Variants in MOGAT3 observed in about 807,000 individuals in gnomAD.
MOGAT3 encodes the protein 2-acylglycerol O-acyltransferase 3.
A neutral mutation model predicts 34.4 loss-of-function variants in MOGAT3; 39 were observed. That is an observed-to-expected ratio of 1.13 (90% confidence interval 0.88 to 1.48). The LOEUF (loss-of-function observed/expected upper bound fraction) is 1.48. Among genes scored for constraint, MOGAT3 ranks in the 40% most tolerant of loss-of-function variants. The probability of loss-of-function intolerance (pLI) is 0.00; values close to 1 mark genes in which losing one functional copy is unlikely to be tolerated. For missense variants in MOGAT3, 439 were observed against 438.9 expected, an observed-to-expected ratio of 1.00 and a Z score of 0.00; for synonymous variants, 209 against 179.2, an observed-to-expected ratio of 1.17 and a Z score of -1.33.
Position 101,200,867 on chromosome 7 carries a change from C to T in MOGAT3, c.-13G>A. The T allele has an allele frequency of 6.2e-7, 1 of 1,602,818 alleles. No homozygotes were observed. The highest frequency in any genetic ancestry group is 8.5e-7 in the Non-Finnish European group (1 of 1,172,760). Reference sequence around the variant, plus strand: ...TGGCAACTCCCATTGCAGAAGCTCCCCTCTTCCAGCAGGATCCCAGAACCC... The same window carrying T: ...TGGCAACTCCCATTGCAGAAGCTCCTCTCTTCCAGCAGGATCCCAGAACCC... On this transcript the variant is annotated 5_prime_UTR_variant, in exon 1 of 7. Coordinates refer to ENST00000223114, the MANE Select transcript of MOGAT3 (RefSeq NM_178176.4).
At chr7:101,196,519 T>C in intron 5 of MOGAT3, 130 bp from the exon 6 acceptor site, 1 of 610,336 alleles carries the variant, frequency 1.6e-6, no homozygotes, top group East Asian at 2.8e-5. Context: ...AGCACATGAC[T>C]ATGGCTACAA....
chr7:101,200,394 C>A lies in MOGAT3; in HGVS notation c.217+14G>T. ...CACCATCTCTGGCTACCTGGGCCCCCATCCGGAGCTCACCTTGGTTGGGTG... is the reference window on the plus strand; with the variant it reads ...CACCATCTCTGGCTACCTGGGCCCCAATCCGGAGCTCACCTTGGTTGGGTG... On this transcript the variant is annotated intron_variant, in intron 2 of 6. Transcript: ENST00000223114. 1 of 1,612,598 alleles carries A rather than the reference C, an allele frequency of 6.2e-7. No individual in the cohort carries two copies. The highest frequency in any genetic ancestry group is 8.5e-7 in the Non-Finnish European group (1 of 1,178,886).
rs766576444 is a variant in MOGAT3, at chr7:101,198,163, G to T, written c.668+28C>A. On this transcript the variant is annotated intron_variant, in intron 5 of 6. Transcript: ENST00000223114. Reference sequence around the variant, plus strand: ...AGAGGGCATAAACCAGCAGAGAACTGACAGGTAGGGCCTGCACGCGCACTC... The same window carrying T: ...AGAGGGCATAAACCAGCAGAGAACTTACAGGTAGGGCCTGCACGCGCACTC... 2.5e-6 allele frequency: 4 copies of T among 1,587,932 alleles called. No individual in the cohort carries two copies. The Admixed American group carries it at 7.1e-5, about 28-fold the overall frequency.
intron 1 of MOGAT3, 48 bp downstream of exon 1, chr7:101,200,698 C>T (rs1186941957): frequency 1.3e-6 from 2 of 1,532,392 alleles, no homozygotes; most frequent in East Asian, 2.3e-5. Context: ...CCCTCCAAGC[C>T]CTACTCCCCT....
chr7:101,198,783 G>A lies in MOGAT3; in HGVS notation c.336C>T (p.Gly112=). The A allele has an allele frequency of 1.2e-6, 2 of 1,614,022 alleles. No individual in the cohort carries two copies. Among genetic ancestry groups the A allele is most frequent in the Non-Finnish European group, 1.7e-6 (2 of 1,180,004 alleles). ...ELPPDRNYVL[G]AHPHGIMCTG... is the part of the protein sequence containing the mutation. ...TACACATGATCCCATGAGGGTGGGC[G>A]CCCAGCACGTAGTTCCGATCCGGGG... Residue 112 remains glycine (G), a synonymous_variant, in exon 4 of 7, where the codon GGC becomes GGT. Coordinates refer to ENST00000223114, the MANE Select transcript of MOGAT3 (RefSeq NM_178176.4).
At position 101,198,723 on chromosome 7, in the gene MOGAT3, A is replaced by T; in HGVS notation, c.396T>A (p.Asn132Lys). The T allele has an allele frequency of 1.9e-6, 3 of 1,613,444 alleles. No individual in the cohort carries two copies. Among genetic ancestry groups the T allele is most frequent in the Non-Finnish European group, 1.7e-6 (2 of 1,179,930 alleles). The part of the protein sequence containing the change: ...GFLCNFSTES[N>K]GFSQLFPGLR... Reference sequence around the variant, plus strand: ...GCCCCGGGAAGAGCTGGGAGAAGCCATTGCTCTCGGTGGAGAAATTACAGA... The same window carrying T: ...GCCCCGGGAAGAGCTGGGAGAAGCCTTTGCTCTCGGTGGAGAAATTACAGA... The change falls in exon 4 of 7, where the codon AAT (asparagine) becomes AAA (lysine). Residue 132 changes from asparagine (N) to lysine (K), a missense_variant. Asn to Lys is a moderately conservative substitution (Grantham distance 94, BLOSUM62 0). Transcript: ENST00000223114.
downstream of MOGAT3, among the ~76,000 whole-genome samples, chr7:101,194,832 A>C (rs1397789633): frequency 6.6e-6 from 1 of 151,830 alleles, no homozygotes; most frequent in Non-Finnish European, 1.5e-5. Flanking sequence ...TTTTTCCTTC[A>C]CTGGGGATGG....
intron 4 of MOGAT3, 31 bp downstream of exon 4, chr7:101,198,595 C>T (rs1432256564): frequency 4.4e-6 from 7 of 1,596,198 alleles, no homozygotes; most frequent in Middle Eastern, 4.4e-4. Flanking sequence ...TCAGGAGTCT[C>T]CTCCCGTTCT....
Position 101,198,246 on chromosome 7 carries a change from G to A in MOGAT3, c.613C>T (p.His205Tyr), listed in dbSNP as rs1462071076. Residue 205 changes from histidine to tyrosine, a missense_variant, in exon 5 of 7, where the codon CAC becomes TAC. Physicochemically the swap from His to Tyr is moderately conservative, Grantham distance 83 (BLOSUM62 2). Coordinates refer to ENST00000223114, the MANE Select transcript of MOGAT3 (RefSeq NM_178176.4). ...TTGCGCTTCTGGAGCGTAAGGCAGT[G>A]CTCCCCGGGGACTGAATACAGGGCC... ...HEALYSVPGEHCLTLQKRKGF... is the reference protein window; with the variant it reads ...HEALYSVPGEYCLTLQKRKGF... 6.2e-7 allele frequency: 1 copy of A among 1,613,664 alleles called. No individual in the cohort carries two copies. Among genetic ancestry groups the A allele is most frequent in the Admixed American group, 1.7e-5 (1 of 59,982 alleles).
Position 101,198,782 on chromosome 7 carries a change from C to G in MOGAT3, c.337G>C (p.Ala113Pro), listed in dbSNP as rs760445652. 1.2e-6 allele frequency: 2 copies of G among 1,613,934 alleles called. No individual in the cohort carries two copies. The highest frequency in any genetic ancestry group is 2.2e-5 in the South Asian group (2 of 91,068). The change falls in exon 4 of 7, where the codon GCC becomes CCC. Residue 113 changes from alanine (A) to proline (P), a missense_variant. By Grantham distance (27) the Ala-to-Pro change is conservative. Transcript: ENST00000223114. ...LPPDRNYVLG[A>P]HPHGIMCTGF... ...GTACACATGATCCCATGAGGGTGGG[C>G]GCCCAGCACGTAGTTCCGATCCGGG... is the stretch of plus-strand genomic sequence containing the variant.
downstream of MOGAT3, among the ~76,000 whole-genome samples, chr7:101,193,870 G>A (rs1797726571): frequency 1.3e-5 from 2 of 152,336 alleles, no homozygotes; most frequent in South Asian, 4.1e-4. Context: ...TAGGACGGTA[G>A]AAGCAAATAT....
intron 4 of MOGAT3, 103 bp downstream of exon 4, chr7:101,198,523 T>A: frequency 7.7e-7 from 1 of 1,304,822 alleles, no homozygotes; most frequent in Non-Finnish European, 1.0e-6. Flanking sequence ...GGCTGGCCCC[T>A]GTCCTGGGTG....
rs754652879 is a variant in MOGAT3, at chr7:101,195,936, G to A, written c.*10C>T. 47 of 1,613,894 alleles carry A rather than the reference G, an allele frequency of 2.9e-5. No homozygotes were observed. Among genetic ancestry groups the A allele is most frequent in the Non-Finnish European group, 3.3e-5 (39 of 1,180,012 alleles). Reference sequence around the variant, plus strand: ...GGGCTCAGGGGCTCAGCGAAAGGCCGCGGCCAGGCCTAGATGAAGGTGAGG... The same window carrying A: ...GGGCTCAGGGGCTCAGCGAAAGGCCACGGCCAGGCCTAGATGAAGGTGAGG... On this transcript the variant is annotated 3_prime_UTR_variant, in exon 7 of 7. Coordinates refer to ENST00000223114, the MANE Select transcript of MOGAT3 (RefSeq NM_178176.4).
chr7:101,198,506 G>T, intron 4 of MOGAT3, 120 bp downstream of exon 4: 1 of 1,323,224 alleles, frequency 7.6e-7, no homozygotes, highest in Non-Finnish European at 1.0e-6. Context: ...AGTCTGGGCA[G>T]TGCTCAGGCT....
chr7:101,196,553 C>T (rs913444450), intron 5 of MOGAT3, among the ~76,000 whole-genome samples, 164 bp from the exon 6 acceptor site: 11 of 152,172 alleles, frequency 7.2e-5, no homozygotes, highest in East Asian at 5.8e-4. Context: ...AGACAGGACT[C>T]GCATTTCTTT....
In MOGAT3 at chr7:101,200,892, C is replaced by T. The variant is rs367702904; in HGVS notation, c.-38G>A. 20 of 1,545,420 alleles carry T rather than the reference C, an allele frequency of 1.3e-5. No individual in the cohort carries two copies. The highest frequency in any genetic ancestry group is 9.1e-5 in the East Asian group (4 of 44,156). ...CCTCTTCCAGCAGGATCCCAGAACC[C>T]GGAGGACAAACGATGAAGGCTTGGA... On this transcript the variant is annotated 5_prime_UTR_variant, in exon 1 of 7. Coordinates refer to ENST00000223114, the MANE Select transcript of MOGAT3 (RefSeq NM_178176.4).
At position 101,195,859 on chromosome 7, in the gene MOGAT3, T is replaced by C. The variant is rs1797761652; in HGVS notation, c.*87A>G. On this transcript the variant is annotated 3_prime_UTR_variant, in exon 7 of 7. Coordinates refer to ENST00000223114, the MANE Select transcript of MOGAT3 (RefSeq NM_178176.4). ...TGAGGCACTGCGCTGGGCCCAGAAC[T>C]ACCTTTTATTGGAGGCATGGAGTCC... 3 of 1,459,148 alleles carry C rather than the reference T, an allele frequency of 2.1e-6. No individual in the cohort carries two copies. The highest frequency in any genetic ancestry group is 2.8e-5 in the African/African-American group (2 of 71,808). 90.4% of individuals were successfully genotyped at this position (1,459,148 alleles called of 1,614,324 possible).
Position 101,198,548 on chromosome 7 carries a change from G to C in MOGAT3, c.493+78C>G, listed in dbSNP as rs938247245. ...TGTCCTGGGTGGGGGACTTATTATG[G>C]GGGGGGGTGGTCCCAGAGGGGCTGG... On this transcript the variant is annotated intron_variant, in intron 4 of 6. Transcript: ENST00000223114. 46 of 1,256,670 alleles carry C rather than the reference G, an allele frequency of 3.7e-5. No individual in the cohort carries two copies. In the African/African-American group the frequency reaches 6.5e-4, roughly 18 times the overall value. The allele number at this position is 1,256,670 out of a possible 1,614,324, so 77.8% of individuals were successfully genotyped here.
rs1584235641 is a variant in MOGAT3, at chr7:101,195,688, C to T, written c.*258G>A. 1 of 502,694 alleles carries T rather than the reference C, an allele frequency of 2.0e-6. No homozygotes were observed. Among genetic ancestry groups the T allele is most frequent in the South Asian group, 2.3e-5 (1 of 43,958 alleles). 31.1% of individuals were successfully genotyped at this position (502,694 alleles called of 1,614,324 possible). A position where few individuals can be genotyped will look rare whatever the true frequency, so the allele number is the denominator to read the frequency against. On this transcript the variant is annotated 3_prime_UTR_variant, in exon 7 of 7. Coordinates refer to ENST00000223114, the MANE Select transcript of MOGAT3 (RefSeq NM_178176.4). Reference sequence around the variant, plus strand: ...TCCCAAATAGCTGGGATTACAGGCACATGCCACCATGCCCGGCTAATTAAC... The same window carrying T: ...TCCCAAATAGCTGGGATTACAGGCATATGCCACCATGCCCGGCTAATTAAC...
Sources: allele counts gnomAD v4.1 joint callset (sites outside exome capture counted in the v4.1 genomes callset), GRCh38; gene constraint gnomAD v4.1.1; transcripts MANE v1.5; gene names NCBI Gene and HGNC (gene_info 2026-07-23, HGNC 2026-07-21).